Variants in RAI1 observed in about 807,000 individuals in gnomAD.
RAI1 encodes the protein retinoic acid-induced protein 1.
Under a neutral mutation model 123.8 loss-of-function variants are expected in RAI1, and 9 were observed. That is an observed-to-expected ratio of 0.07 (90% CI 0.04 to 0.13). RAI1 has a LOEUF of 0.13. Ranked by LOEUF, RAI1 falls within the 10% of genes least tolerant of loss-of-function variation. The pLI, the probability that RAI1 is intolerant of heterozygous loss-of-function variation, is 1.00. For synonymous variants in RAI1, 1,231 were observed against 1,127.3 expected (o/e 1.09, Z -1.84); for missense variants, 2,256 against 2,545.8 (o/e 0.89, Z 2.45).
intron 2 of RAI1, among the ~76,000 whole-genome samples, chr17:17,755,032 A>G (rs935762153): frequency 6.6e-6 from 1 of 152,202 alleles, no homozygotes; most frequent in African/African-American, 2.4e-5. Context: ...AAATAGCCAT[A>G]GCTGTACCCC....
At chr17:17,740,465 G>T (rs773405380) in intron 2 of RAI1, among the ~76,000 whole-genome samples, 6 of 152,234 alleles carry the variant, frequency 3.9e-5, no homozygotes, top group African/African-American at 1.4e-4. Context: ...TGGTTCATCT[G>T]CTCTGAGCCC....
intron 1 of RAI1, among the ~76,000 whole-genome samples, chr17:17,716,535 C>T (rs112575873): frequency 0.013 from 1,913 of 152,138 alleles, 45 homozygotes; most frequent in African/African-American, 0.044. Context: ...GGGTTCTGTA[C>T]GTGTGTGTGT....
intron 2 of RAI1, among the ~76,000 whole-genome samples, chr17:17,780,077 T>TA: frequency 1.0e-5 from 1 of 96,860 alleles, no homozygotes; most frequent in Non-Finnish European, 2.2e-5. Flanking sequence ...ACCCAGGCTT[T>TA]TTTTTAAGAC....
Position 17,792,900 on chromosome 17 carries a change from C to G in RAI1, c.-16-33C>G. 5.9e-6 allele frequency: 3 copies of G among 504,656 alleles called. 1 individual carries two copies. The highest frequency in any genetic ancestry group is 1.2e-5 in the Non-Finnish European group (3 of 249,688). The allele number at this position is 504,656 out of a possible 1,614,324, so 31.3% of individuals were successfully genotyped here. On this transcript the variant is annotated intron_variant, in intron 2 of 5. Coordinates refer to ENST00000353383, the MANE Select transcript of RAI1 (RefSeq NM_030665.4). ...CTGCCCATCCTCCCCTCCCTCCTTC[C>G]CTCCCTCCCTCCCTTCCTTTTTCTT...
At chr17:17,758,558 T>G (rs1243276041) in intron 2 of RAI1, among the ~76,000 whole-genome samples, 3 of 152,218 alleles carry the variant, frequency 2.0e-5, no homozygotes, top group Admixed American at 2.0e-4. Flanking sequence ...GTTTACCGAC[T>G]CACCCACCTG....
intron 4 of RAI1, among the ~76,000 whole-genome samples, chr17:17,805,523 C>G (rs1446322423): frequency 1.3e-5 from 2 of 152,188 alleles, no homozygotes; most frequent in African/African-American, 4.8e-5. Context: ...GCCCCAGCTA[C>G]TGCCTCCCGT....
At chr17:17,705,437 C>T (rs1374863645) in intron 1 of RAI1, among the ~76,000 whole-genome samples, 1 of 152,120 alleles carries the variant, frequency 6.6e-6, no homozygotes, top group Non-Finnish European at 1.5e-5. Context: ...TGAGACCAGC[C>T]TGGCCATCAT....
chr17:17,805,432 G>C (rs749078733), intron 4 of RAI1, among the ~76,000 whole-genome samples: 1 of 152,094 alleles, frequency 6.6e-6, no homozygotes, highest in Non-Finnish European at 1.5e-5. Context: ...CCCAACTCTG[G>C]CCTGGAAAGA....
intron 2 of RAI1, among the ~76,000 whole-genome samples, chr17:17,783,062 G>A (rs1284854233): frequency 0.024 from 1 of 42 alleles, no homozygotes; most frequent in African/African-American, 0.12. Flanking sequence ...GGAGATGAAT[G>A]ATGGGGGCTG....
chr17:17,703,319 C>T (rs938344805), intron 1 of RAI1, among the ~76,000 whole-genome samples: 1 of 152,222 alleles, frequency 6.6e-6, no homozygotes, highest in African/African-American at 2.4e-5. Flanking sequence ...GAAGGCTGCA[C>T]TGCAAGTCAG....
At chr17:17,782,610 C>T (rs1424080779) in intron 2 of RAI1, among the ~76,000 whole-genome samples, 1 of 137,528 alleles carries the variant, frequency 7.3e-6, no homozygotes, top group East Asian at 2.3e-4. Context: ...AGGTTTGAGC[C>T]ACGGGGGCGG....
chr17:17,805,898 C>T (rs2032585373), intron 4 of RAI1, among the ~76,000 whole-genome samples: 2 of 152,024 alleles, frequency 1.3e-5, no homozygotes, highest in Non-Finnish European at 2.9e-5. Context: ...CCACTCCCAG[C>T]CCTGCTACAG....
At chr17:17,744,789 C>CAAAAAAA (rs58984430) in intron 2 of RAI1, among the ~76,000 whole-genome samples, 2 of 46,808 alleles carry the variant, frequency 4.3e-5, no homozygotes, top group Non-Finnish European at 8.3e-5. Flanking sequence ...GACTCCGTCT[C>CAAAAAAA]AAAAAAAAAA....
chr17:17,719,111 T>C (rs1009362646), intron 1 of RAI1, among the ~76,000 whole-genome samples: 2 of 152,186 alleles, frequency 1.3e-5, no homozygotes, highest in Non-Finnish European at 2.9e-5. Context: ...TGGACTAGTG[T>C]AGGATGCAGG....
chr17:17,703,154 T>G (rs559629240), intron 1 of RAI1, among the ~76,000 whole-genome samples: 6 of 152,060 alleles, frequency 3.9e-5, no homozygotes, highest in Non-Finnish European at 8.8e-5. Flanking sequence ...CCCCCAGGAG[T>G]TGGACAGCGG....
rs973732303 is a variant in RAI1, at chr17:17,795,943, C to T, written c.2995C>T (p.Arg999Trp). The stretch of plus-strand genomic sequence containing the variant: ...GCCTGTGCCACGGGGCAAAAGCTTA[C>T]GGAGCCGTCGGGTGCACCGGGGGCT... ...KEPVPRGKSL[R>W]SRRVHRGLPE... The change falls in exon 3 of 6, where the codon CGG becomes TGG. Residue 999 changes from arginine to tryptophan, a missense_variant. Transcript: ENST00000353383. This position sits in a 1 kb window ranked among gnomAD's most constrained non-coding sequence, Gnocchi z 5.9. The T allele has an allele frequency of 3.7e-6, 6 of 1,606,592 alleles. No individual in the cohort carries two copies. Among genetic ancestry groups the T allele is most frequent in the Non-Finnish European group, 5.1e-6 (6 of 1,178,558 alleles).
In RAI1 at chr17:17,725,188, G is replaced by A. The variant is rs187240840; in HGVS notation, c.-17+1029G>A. On this transcript the variant is annotated intron_variant, in intron 2 of 5. Coordinates refer to ENST00000353383, the MANE Select transcript of RAI1 (RefSeq NM_030665.4). ...GCTTGGGTTCGCGGCCGGGGGTCGTGGATGGCAGCCCCTCTTGGGCTTGGT... is the reference window on the plus strand; with the variant it reads ...GCTTGGGTTCGCGGCCGGGGGTCGTAGATGGCAGCCCCTCTTGGGCTTGGT... Among the ~76,000 whole-genome samples, 13 of 152,230 alleles carry A rather than the reference G, an allele frequency of 8.5e-5. No individual in the cohort carries two copies. The East Asian group carries it at 2.5e-3, about 30-fold the overall frequency.
At chr17:17,780,799 GC>G (rs1217994663) in intron 2 of RAI1, among the ~76,000 whole-genome samples, 1 of 152,316 alleles carries the variant, frequency 6.6e-6, no homozygotes, top group Admixed American at 6.5e-5. Context: ...TGTCTAGCTG[GC>G]TGGGGGAGAA....
At position 17,804,316 on chromosome 17, in the gene RAI1, T is replaced by C. The variant is rs75173354; in HGVS notation, c.5659+467T>C. 3.7e-3 allele frequency among the ~76,000 whole-genome samples: 559 copies of C among 152,148 alleles called. 2 individuals are homozygous for C. The highest frequency in any genetic ancestry group is 0.013 in the African/African-American group (531 of 41,494). On this transcript the variant is annotated intron_variant, in intron 4 of 5. Transcript: ENST00000353383. ...AAACAGACTGAGACCCATGGAGCAATTGTGGAAGTTTTGAAGCAGGGTAAT... is the reference window on the plus strand; with the variant it reads ...AAACAGACTGAGACCCATGGAGCAACTGTGGAAGTTTTGAAGCAGGGTAAT...
Sources: gnomAD v4.1 joint callset for allele counts (sites outside exome capture counted in the v4.1 genomes callset) on GRCh38, gnomAD v4.1.1 for gene constraint, Gnocchi (gnomAD v3.1) non-coding constraint, MANE v1.5 for transcripts, NCBI Gene and HGNC (gene_info 2026-07-23, HGNC 2026-07-21) for gene names.